DZIP1L: variants seen among roughly 807,000 people sequenced by gnomAD.
DZIP1L encodes DAZ interacting zinc finger protein 1 like.
Under a neutral mutation model 88.7 loss-of-function variants are expected in DZIP1L, and 90 were observed. That is an observed-to-expected ratio of 1.02 (90% CI 0.86 to 1.21). The LOEUF (loss-of-function observed/expected upper bound fraction) is 1.21, where lower values mean the gene tolerates loss of function less well. DZIP1L is among the 50% of genes most tolerant of loss of function. DZIP1L has a pLI of 0.00. For missense variants in DZIP1L, 932 were observed against 955.8 expected, an observed-to-expected ratio of 0.98 and a Z score of 0.33; for synonymous variants, 363 against 372.1, an observed-to-expected ratio of 0.98 and a Z score of 0.28.
chr3:138,112,418 C>T (rs2042633094), intron 1 of DZIP1L: 1 of 152,200 alleles, frequency 6.6e-6, no homozygotes, highest in Non-Finnish European at 1.5e-5. Flanking sequence ...CAAATCACCA[C>T]AGGGTTAGTG....
intron 5 of DZIP1L, chr3:138,088,883 C>T (rs1301048903): frequency 2.0e-6 from 2 of 988,682 alleles, no homozygotes. Flanking sequence ...TCACCCCAGG[C>T]CACTCCCTGA....
At chr3:138,088,193 A>G (rs1944034874) in intron 6 of DZIP1L, among the ~76,000 whole-genome samples, 186 bp downstream of exon 6, 1 of 152,208 alleles carries the variant, frequency 6.6e-6, no homozygotes, top group Admixed American at 6.5e-5. Flanking sequence ...CAAATCTGAC[A>G]TTGCACACAT....
intron 12 of DZIP1L, among the ~76,000 whole-genome samples, chr3:138,069,504 G>A (rs1168454515): frequency 2.0e-5 from 3 of 152,152 alleles, no homozygotes; most frequent in East Asian, 3.9e-4. Context: ...CAGTGAATGT[G>A]TCTACTCAGA....
At chr3:138,090,545 G>A (rs1944160743) in intron 5 of DZIP1L, among the ~76,000 whole-genome samples, 1 of 152,176 alleles carries the variant, frequency 6.6e-6, no homozygotes, top group African/African-American at 2.4e-5. Flanking sequence ...GGAAGCGCTT[G>A]CGTCATTTTA....
intron 11 of DZIP1L, among the ~76,000 whole-genome samples, chr3:138,072,185 T>A (rs370764647): frequency 6.6e-6 from 1 of 152,206 alleles, no homozygotes; most frequent in East Asian, 1.9e-4. Context: ...GCTTGCTCAT[T>A]TTTGTACTCC....
intron 11 of DZIP1L, among the ~76,000 whole-genome samples, chr3:138,074,993 A>G (rs1943338976): frequency 6.6e-6 from 1 of 152,266 alleles, no homozygotes; most frequent in African/African-American, 2.4e-5. Context: ...AAAAGCGAGC[A>G]GGAGTAGCTA....
At chr3:138,096,154 G>A (rs187794323) in intron 3 of DZIP1L, among the ~76,000 whole-genome samples, 88 of 152,266 alleles carry the variant, frequency 5.8e-4, no homozygotes, top group Admixed American at 4.2e-3. Flanking sequence ...ATGATTTGAG[G>A]CGACTGTGGA....
At chr3:138,085,166 T>A (rs1239183860) in intron 7 of DZIP1L, among the ~76,000 whole-genome samples, 5 of 152,200 alleles carry the variant, frequency 3.3e-5, no homozygotes, top group African/African-American at 1.2e-4. Flanking sequence ...GAAGAAAACC[T>A]AGACATTACC....
chr3:138,078,169 A>C (rs957194355), intron 10 of DZIP1L, among the ~76,000 whole-genome samples: 32 of 152,218 alleles, frequency 2.1e-4, no homozygotes, highest in African/African-American at 7.2e-4. Context: ...GGCTAGCAAA[A>C]TAAGCAATTA....
At chr3:138,064,868 G>A (rs1217927670) in intron 14 of DZIP1L, 101 bp from the exon 15 acceptor site, 28 of 1,484,156 alleles carry the variant, frequency 1.9e-5, no homozygotes, top group Admixed American at 4.7e-5. Flanking sequence ...TAGAGGGAAT[G>A]AGCAGAAGGG....
chr3:138,068,883 G>A (rs1943043250), intron 12 of DZIP1L: 5 of 1,226,804 alleles, frequency 4.1e-6, no homozygotes, highest in Non-Finnish European at 5.1e-6. Flanking sequence ...TTTCCAAATT[G>A]CATCAAGACC....
intron 14 of DZIP1L, among the ~76,000 whole-genome samples, chr3:138,067,000 C>T (rs1448543264): frequency 6.6e-6 from 1 of 152,172 alleles, no homozygotes; most frequent in Admixed American, 6.5e-5. Context: ...TAAGGGCCTG[C>T]ACACTCAGGG....
chr3:138,102,971 G>T, intron 2 of DZIP1L: 1 of 496,152 alleles, frequency 2.0e-6, no homozygotes, highest in Non-Finnish European at 3.7e-6. Flanking sequence ...ATTCCAGAAG[G>T]AGCAGAGAAG....
At chr3:138,072,120 T>C (rs908952983) in intron 11 of DZIP1L, among the ~76,000 whole-genome samples, 1 of 152,198 alleles carries the variant, frequency 6.6e-6, no homozygotes, top group African/African-American at 2.4e-5. Flanking sequence ...CATAAGGGAC[T>C]TCGTTGGAAC....
intron 2 of DZIP1L, 28 bp downstream of exon 2, chr3:138,103,443 C>G (rs772166194): frequency 1.1e-5 from 18 of 1,570,314 alleles, no homozygotes; most frequent in Non-Finnish European, 1.5e-5. Flanking sequence ...AGCCCTCCCA[C>G]TCTCCCTGCC....
At chr3:138,091,960 T>C (rs1450971499) in intron 5 of DZIP1L, among the ~76,000 whole-genome samples, 1 of 152,124 alleles carries the variant, frequency 6.6e-6, no homozygotes. Flanking sequence ...GGGAGAAAAA[T>C]GCATTCAATT....
At chr3:138,097,998 C>A in intron 2 of DZIP1L, 151 bp from the exon 3 acceptor site, 2 of 644,850 alleles carry the variant, frequency 3.1e-6, no homozygotes, top group Non-Finnish European at 5.5e-6. Context: ...ATGATGTCAG[C>A]CCATGCTGCC....
chr3:138,068,836 C>T, intron 12 of DZIP1L: 2 of 1,103,616 alleles, frequency 1.8e-6, no homozygotes, highest in Non-Finnish European at 2.3e-6. Context: ...TGGGGCAAGG[C>T]AGTACCAAGG....
chr3:138,080,660 G>A (rs1447815715), intron 9 of DZIP1L, 40 bp from the exon 10 acceptor site: 1 of 1,605,882 alleles, frequency 6.2e-7, no homozygotes, highest in Admixed American at 1.7e-5. Context: ...CAGTGCTCTG[G>A]ACCCCATCCC....
Sources: allele counts gnomAD v4.1 joint callset (sites outside exome capture counted in the v4.1 genomes callset), GRCh38; gene constraint gnomAD v4.1.1; transcripts MANE v1.5; gene names NCBI Gene and HGNC (gene_info 2026-07-23, HGNC 2026-07-21).